CGREF1: variants seen among roughly 807,000 people sequenced by gnomAD.
CGREF1 encodes the protein cell growth regulator with EF-hand domain 1, also known as cell growth regulator with EF hand domain protein 1.
In CGREF1, 16 loss-of-function variants were observed where a neutral mutation model predicts 17.4. That is an observed-to-expected ratio of 0.92 (90% confidence interval 0.62 to 1.40). The LOEUF is 1.40. CGREF1 is among the 40% of genes most tolerant of loss of function. CGREF1 has a pLI of 0.00. For missense variants in CGREF1, 296 were observed against 376.4 expected (o/e 0.79, Z 1.77); for synonymous variants, 142 against 154.6 (o/e 0.92, Z 0.61).
intron 1 of CGREF1, among the ~76,000 whole-genome samples, chr2:27,107,371 C>A (rs1371381803): frequency 6.6e-6 from 1 of 152,064 alleles, no homozygotes; most frequent in Admixed American, 6.6e-5. Context: ...TCCCCTGCCT[C>A]ACCCTCCTAA....
chr2:27,117,840 C>T (rs1464796399), intron 1 of CGREF1, among the ~76,000 whole-genome samples: 1 of 151,998 alleles, frequency 6.6e-6, no homozygotes, highest in African/African-American at 2.4e-5. Context: ...CTCAGCCTCC[C>T]GAGTATCTGG....
chr2:27,111,648 C>G (rs1671389981), intron 1 of CGREF1, among the ~76,000 whole-genome samples: 1 of 152,200 alleles, frequency 6.6e-6, no homozygotes, highest in African/African-American at 2.4e-5. Context: ...GGTCTCGAGC[C>G]CTGCCCCGCG....
At chr2:27,116,872 T>TCTCTCTCTCTCTCTCTCTCC (rs1671590125) in intron 1 of CGREF1, among the ~76,000 whole-genome samples, 3 of 12,800 alleles carry the variant, frequency 2.3e-4, no homozygotes, top group African/African-American at 1.1e-3. Flanking sequence ...CCAGGCCTAT[T>TCTCTCTCTCTCTCTCTCTCC]CTCTCTCTCT....
chr2:27,107,933 CAA>C (rs143132359), intron 1 of CGREF1, among the ~76,000 whole-genome samples: 15 of 95,818 alleles, frequency 1.6e-4, no homozygotes, highest in African/African-American at 4.4e-4. Context: ...GACTCTGTCT[CAA>C]AAAAAAAAAA....
intron 1 of CGREF1, among the ~76,000 whole-genome samples, chr2:27,108,811 A>AATTTATTT (rs923563137): frequency 6.6e-6 from 1 of 152,004 alleles, no homozygotes; most frequent in Non-Finnish European, 1.5e-5. Context: ...AGGTGAAGCA[A>AATTTATTT]ATTTATTTAT....
Position 27,102,345 on chromosome 2 carries a change from A to C in CGREF1, c.217+15T>G. 1 of 1,613,898 alleles carries C rather than the reference A, an allele frequency of 6.2e-7. No homozygotes were observed. Among genetic ancestry groups the C allele is most frequent in the Non-Finnish European group, 8.5e-7 (1 of 1,179,808 alleles). ...AGAGCCTCCCGTCCCTGGCCCCATC[A>C]GCCCAGCCCCTCACCCTGCTCCCGG... On this transcript the variant is annotated intron_variant, in intron 4 of 5. Transcript: ENST00000402394.
At chr2:27,107,724 G>A (rs1181524198) in intron 1 of CGREF1, among the ~76,000 whole-genome samples, 1 of 151,120 alleles carries the variant, frequency 6.6e-6, no homozygotes, top group East Asian at 2.0e-4. Flanking sequence ...CACGAGGTCA[G>A]GTGATTGAGA....
intron 1 of CGREF1, among the ~76,000 whole-genome samples, chr2:27,117,371 A>C (rs964524832): frequency 6.6e-6 from 1 of 152,244 alleles, no homozygotes; most frequent in African/African-American, 2.4e-5. Context: ...TTTGTGAGAG[A>C]AATAAAATAG....
chr2:27,115,825 T>G (rs1018867514), intron 1 of CGREF1, among the ~76,000 whole-genome samples: 1 of 152,184 alleles, frequency 6.6e-6, no homozygotes, highest in African/African-American at 2.4e-5. Flanking sequence ...CACTTTCACT[T>G]TTCAGTGCTT....
Position 27,102,180 on chromosome 2 carries a change from C to T in CGREF1, c.259G>A (p.Gly87Arg), listed in dbSNP as rs753252603. 9 of 1,612,584 alleles carry T rather than the reference C, an allele frequency of 5.6e-6. No individual in the cohort carries two copies. The highest frequency in any genetic ancestry group is 1.7e-5 in the Admixed American group (1 of 59,984). Residue 87 changes from glycine (G) to arginine (R), a missense_variant, in exon 5 of 6, where the codon GGA becomes AGA. This residue lies in a region of CGREF1 where 247 missense variants were observed against 267.2 expected (regional missense o/e 0.92). Coordinates refer to ENST00000402394, the MANE Select transcript of CGREF1 (RefSeq NM_006569.6). ...LFALHDYDQS[G>R]QLDGLELLSM... ...AGCAGCTCCAGGCCATCCAGCTGTCCACTCTGGTCATAGTCATGGAGGGCA... is the reference window on the plus strand; with the variant it reads ...AGCAGCTCCAGGCCATCCAGCTGTCTACTCTGGTCATAGTCATGGAGGGCA...
chr2:27,109,134 C>T (rs757189564), intron 1 of CGREF1, among the ~76,000 whole-genome samples: 1 of 152,088 alleles, frequency 6.6e-6, no homozygotes, highest in Non-Finnish European at 1.5e-5. Flanking sequence ...CTTTGGGAAG[C>T]TGAGGTGGAA....
At chr2:27,113,014 T>C (rs1671447558) in intron 1 of CGREF1, among the ~76,000 whole-genome samples, 1 of 152,028 alleles carries the variant, frequency 6.6e-6, no homozygotes, top group Non-Finnish European at 1.5e-5. Flanking sequence ...CAGAGATGAG[T>C]GCCTTGTTTC....
downstream of CGREF1, chr2:27,099,616 G>A (rs1185615995): frequency 1.9e-6 from 3 of 1,613,986 alleles, no homozygotes; most frequent in Admixed American, 5.0e-5. Flanking sequence ...ACTGGGACCT[G>A]TCCCTGCCCC....
At chr2:27,105,414 G>A (rs1671079538) in intron 1 of CGREF1, among the ~76,000 whole-genome samples, 1 of 152,208 alleles carries the variant, frequency 6.6e-6, no homozygotes, top group Non-Finnish European at 1.5e-5. Flanking sequence ...GAGGGGTAGA[G>A]CAGGTAAGCA....
chr2:27,100,448 G>A, downstream of CGREF1: 1 of 1,291,082 alleles, frequency 7.7e-7, no homozygotes, highest in Non-Finnish European at 1.0e-6. Context: ...AGCCACAAAT[G>A]TGACCCAGGA....
intron 2 of CGREF1, 115 bp downstream of exon 2, chr2:27,104,172 G>T: frequency 9.6e-7 from 1 of 1,044,582 alleles, no homozygotes; most frequent in South Asian, 1.8e-5. Context: ...GAGATACAGA[G>T]ATCGGGGAAC....
intron 1 of CGREF1, among the ~76,000 whole-genome samples, chr2:27,116,549 G>T (rs1671571129): frequency 6.6e-6 from 1 of 151,250 alleles, no homozygotes. Context: ...AAAAAAAAAA[G>T]TAAATGATGT....
At chr2:27,107,804 G>C (rs377352038) in intron 1 of CGREF1, among the ~76,000 whole-genome samples, 4 of 138,658 alleles carry the variant, frequency 2.9e-5, no homozygotes. Context: ...CGTGGTGGTG[G>C]GCACCTGTAA....
intron 4 of CGREF1, 66 bp downstream of exon 4, chr2:27,102,294 G>T (rs866229585): frequency 2.5e-6 from 4 of 1,611,334 alleles, no homozygotes; most frequent in Non-Finnish European, 3.4e-6. Flanking sequence ...TGGGGCAGCC[G>T]AGGTCAGTCC....
Sources: gnomAD v4.1 joint callset for allele counts (sites outside exome capture counted in the v4.1 genomes callset) on GRCh38, gnomAD v4.1.1 for gene constraint, gnomAD v4.1.1 regional missense constraint, MANE v1.5 for transcripts, NCBI Gene and HGNC (gene_info 2026-07-23, HGNC 2026-07-21) for gene names.